RTTN: variants seen among roughly 807,000 people sequenced by gnomAD.
RTTN encodes the protein rotatin.
Under a neutral mutation model 269.2 loss-of-function variants are expected in RTTN, and 182 were observed. That is an observed-to-expected ratio of 0.68 (90% CI 0.60 to 0.76). The LOEUF (loss-of-function observed/expected upper bound fraction) is 0.76. RTTN is among the 30% of genes least tolerant of loss of function. The probability of loss-of-function intolerance (pLI) is 0.00; values close to 1 mark genes in which losing one functional copy is unlikely to be tolerated. For missense variants in RTTN, 2,545 were observed against 2,608.6 expected (o/e 0.98, Z 0.53); for synonymous variants, 1,006 against 963.5 (o/e 1.04, Z -0.82).
At position 70,204,234 on chromosome 18, in the gene RTTN, G is replaced by A. The variant is rs768271072; in HGVS notation, c.249C>T (p.Asp83=). The part of the protein sequence containing the change: ...KYPPAVQHLV[D]VGAVEFLSKL... ...TAGATAAGAACTCTACTGCACCAAC[G>A]TCAACCAAATGTTGGACTGCTGGGG... The change falls in exon 3 of 49, where the codon GAC becomes GAT. Residue 83 remains aspartate (D), a synonymous_variant. Transcript: ENST00000640769. 1.9e-6 allele frequency: 3 copies of A among 1,612,478 alleles called. No individual in the cohort carries two copies. The highest frequency in any genetic ancestry group is 2.5e-6 in the Non-Finnish European group (3 of 1,179,550).
Position 70,006,430 on chromosome 18 carries a change from T to C in RTTN, c.6476A>G (p.Gln2159Arg), listed in dbSNP as rs1270664755. 4 of 1,614,040 alleles carry C rather than the reference T, an allele frequency of 2.5e-6. No individual in the cohort carries two copies. The highest frequency in any genetic ancestry group is 3.4e-6 in the Non-Finnish European group (4 of 1,179,868). ...ACLESENQNA[Q>R]RIGAAALWAL... ...CCAAAGGGCAGCTGCTCCAATCCTC[T>C]GAGCATTTTGATTCTCACTTTCCAG... The change falls in exon 47 of 49, where the codon CAG becomes CGG. Residue 2159 changes from glutamine (Q) to arginine (R), a missense_variant. Transcript: ENST00000640769.
rs781526181 is a variant in RTTN, at chr18:70,024,725, T to A, written c.5947A>T (p.Asn1983Tyr). The change falls in exon 44 of 49, where the codon AAT (asparagine) becomes TAT (tyrosine). Residue 1983 changes from asparagine (N) to tyrosine (Y), a missense_variant. Transcript: ENST00000640769. ...LLCVYTANFPNGCSSLCWSSC... is the reference protein window; with the variant it reads ...LLCVYTANFPYGCSSLCWSSC... Reference sequence around the variant, plus strand: ...AGGCAGTATTGGATCCTATTACCATTTGGAAAATTTGCAGTATAGACACAA... The same window carrying A: ...AGGCAGTATTGGATCCTATTACCATATGGAAAATTTGCAGTATAGACACAA... 1 of 1,613,098 alleles carries A rather than the reference T, an allele frequency of 6.2e-7. No homozygotes were observed. The highest frequency in any genetic ancestry group is 1.1e-5 in the South Asian group (1 of 90,972).
At chr18:70,058,770 T>G (rs1246609276) in intron 36 of RTTN, among the ~76,000 whole-genome samples, 1 of 151,034 alleles carries the variant, frequency 6.6e-6, no homozygotes, top group Non-Finnish European at 1.5e-5. Flanking sequence ...GACTAGCAGT[T>G]ACTTTTCCAA....
chr18:70,181,934 T>C (rs2061430373), intron 10 of RTTN, among the ~76,000 whole-genome samples: 1 of 152,168 alleles, frequency 6.6e-6, no homozygotes, highest in Non-Finnish European at 1.5e-5. Flanking sequence ...CATTGAATCA[T>C]AAAGTACCAG....
At chr18:70,033,676 G>A (rs977874992) in intron 40 of RTTN, among the ~76,000 whole-genome samples, 4 of 151,908 alleles carry the variant, frequency 2.6e-5, no homozygotes, top group South Asian at 2.1e-4. Flanking sequence ...AGAGAAGAAA[G>A]AGCAAACCAA....
In RTTN at chr18:70,162,151, A is replaced by G. The variant is rs142572334; in HGVS notation, c.1929+3911T>C. Among the ~76,000 whole-genome samples, 41 of 152,350 alleles carry G rather than the reference A, an allele frequency of 2.7e-4. 1 individual carries two copies. The highest frequency in any genetic ancestry group is 7.9e-4 in the African/African-American group (33 of 41,586). Reference sequence around the variant, plus strand: ...GGATTGGATAAAGAAACTATGGTACATATACATCATGGAAAACTACTCAGC... The same window carrying G: ...GGATTGGATAAAGAAACTATGGTACGTATACATCATGGAAAACTACTCAGC... On this transcript the variant is annotated intron_variant, in intron 14 of 48. Transcript: ENST00000640769.
rs777233196 is a variant in RTTN, at chr18:70,168,871, G to T, written c.1673C>A (p.Ser558Tyr). ...YSIECTCNFL[S>Y]DIGKEGEKNL... ...GCTTTTTACCTCTTTCCCAATATCA[G>T]ACAGGAAGTTACAGGTGCATTCAAT... is the stretch of plus-strand genomic sequence containing the variant. The change falls in exon 12 of 49, where the codon TCT (serine) becomes TAT (tyrosine). Residue 558 changes from serine to tyrosine, a missense_variant. Ser to Tyr is a moderately radical substitution (Grantham distance 144, BLOSUM62 -2). Coordinates refer to ENST00000640769, the MANE Select transcript of RTTN (RefSeq NM_173630.4). 3.1e-6 allele frequency: 5 copies of T among 1,608,890 alleles called. No individual in the cohort carries two copies. The highest frequency in any genetic ancestry group is 1.7e-4 in the Middle Eastern group (1 of 5,732).
intron 39 of RTTN, among the ~76,000 whole-genome samples, chr18:70,048,565 C>T (rs1227553824): frequency 4.6e-5 from 7 of 152,104 alleles, no homozygotes; most frequent in African/African-American, 7.2e-5. Context: ...TGTTGTTTTA[C>T]ATTTTATAAA....
intron 31 of RTTN, among the ~76,000 whole-genome samples, chr18:70,087,634 A>T (rs1228485156): frequency 6.6e-6 from 1 of 152,204 alleles, no homozygotes; most frequent in Non-Finnish European, 1.5e-5. Flanking sequence ...AATACTACAA[A>T]GAGTTATTTT....
chr18:70,091,623 G>GT (rs2058848805), intron 30 of RTTN: 1 of 152,260 alleles, frequency 6.6e-6, no homozygotes, highest in Non-Finnish European at 1.5e-5. Flanking sequence ...AGAAGTGTCT[G>GT]TTGTCTAAGC....
At chr18:70,016,508 G>A (rs2056542271) in intron 46 of RTTN, among the ~76,000 whole-genome samples, 1 of 152,164 alleles carries the variant, frequency 6.6e-6, no homozygotes. Flanking sequence ...AGGTGTGTAG[G>A]GGTCTGGAGC....
At chr18:70,057,171 T>A (rs1000107803) in intron 37 of RTTN, among the ~76,000 whole-genome samples, 2 of 152,240 alleles carry the variant, frequency 1.3e-5, no homozygotes, top group Admixed American at 1.3e-4. Context: ...CCTAAATAAA[T>A]CTTGTAGCCC....
intron 30 of RTTN, among the ~76,000 whole-genome samples, chr18:70,089,887 A>G (rs2058797514): frequency 6.6e-6 from 1 of 152,206 alleles, no homozygotes; most frequent in African/African-American, 2.4e-5. Flanking sequence ...AGAGAGATGA[A>G]TTAAAGAAGG....
intron 19 of RTTN, among the ~76,000 whole-genome samples, chr18:70,141,143 CTG>C (rs2060247044): frequency 6.6e-6 from 1 of 152,032 alleles, no homozygotes; most frequent in Non-Finnish European, 1.5e-5. Context: ...TTTCTGTAGT[CTG>C]TGTGATTGTT....
intron 43 of RTTN, among the ~76,000 whole-genome samples, chr18:70,026,485 C>T (rs2056857372): frequency 6.6e-6 from 1 of 152,062 alleles, no homozygotes; most frequent in Admixed American, 6.6e-5. Context: ...ATGTGATGTG[C>T]CTGTTCCCCT....
At chr18:70,054,074 A>C in intron 38 of RTTN, 57 bp downstream of exon 38, 1 of 1,399,258 alleles carries the variant, frequency 7.1e-7, no homozygotes, top group Non-Finnish European at 9.9e-7. Context: ...AAACAGAGTA[A>C]GTTTTTTTTC....
At chr18:70,044,915 A>C (rs2057451243) in intron 40 of RTTN, among the ~76,000 whole-genome samples, 1 of 152,190 alleles carries the variant, frequency 6.6e-6, no homozygotes, top group Admixed American at 6.5e-5. Context: ...ATATTTCTGG[A>C]CTACAGTCAA....
intron 44 of RTTN, among the ~76,000 whole-genome samples, chr18:70,023,837 T>C (rs538277876): frequency 2.0e-4 from 31 of 152,260 alleles, no homozygotes; most frequent in Non-Finnish European, 3.5e-4. Context: ...GGCTGGAGTA[T>C]AGTGGCGTGA....
At chr18:70,125,314 T>C (rs1599671160) in intron 25 of RTTN, among the ~76,000 whole-genome samples, 1 of 152,020 alleles carries the variant, frequency 6.6e-6, no homozygotes, top group Admixed American at 6.6e-5. Context: ...TATCATTTTT[T>C]AGTAAAAAAT....
Sources: allele counts gnomAD v4.1 joint callset (sites outside exome capture counted in the v4.1 genomes callset), GRCh38; gene constraint gnomAD v4.1.1; transcripts MANE v1.5; gene names NCBI Gene and HGNC (gene_info 2026-07-23, HGNC 2026-07-21).